Variants in KCNJ6 observed in about 807,000 individuals in gnomAD.
The protein encoded by KCNJ6 is G protein-activated inward rectifier potassium channel 2.
Under a neutral mutation model 34.2 loss-of-function variants are expected in KCNJ6, and 9 were observed. The ratio of observed to expected loss-of-function variants is 0.26; its 90% CI spans 0.16 to 0.46. KCNJ6 has a LOEUF of 0.46. Among genes scored for constraint, KCNJ6 ranks in the 20% least tolerant of loss-of-function variants. KCNJ6 has a pLI of 1.00. For missense variants in KCNJ6, 236 were observed against 531.3 expected, an observed-to-expected ratio of 0.44 and a Z score of 5.46; for synonymous variants, 196 against 207.1, an observed-to-expected ratio of 0.95 and a Z score of 0.46.
At chr21:37,847,491 A>C (rs2055515396) in intron 1 of KCNJ6, among the ~76,000 whole-genome samples, 1 of 152,232 alleles carries the variant, frequency 6.6e-6, no homozygotes, top group African/African-American at 2.4e-5. Flanking sequence ...AGCAGTGAGA[A>C]TCCAGGTCTA....
intron 2 of KCNJ6, among the ~76,000 whole-genome samples, chr21:37,787,061 C>G (rs1005794295): frequency 6.6e-6 from 1 of 152,150 alleles, no homozygotes; most frequent in Non-Finnish European, 1.5e-5. Flanking sequence ...CTCATTTTTA[C>G]TTTTGGTCTC....
At chr21:37,832,650 C>A (rs2055431926) in intron 2 of KCNJ6, among the ~76,000 whole-genome samples, 1 of 152,144 alleles carries the variant, frequency 6.6e-6, no homozygotes, top group South Asian at 2.1e-4. Context: ...CGTGCCCATC[C>A]TGGTCTGTCT....
intron 3 of KCNJ6, among the ~76,000 whole-genome samples, chr21:37,664,605 T>TA (rs1324877595): frequency 4.6e-5 from 7 of 152,136 alleles, no homozygotes; most frequent in Admixed American, 4.6e-4. Context: ...AAATATTACT[T>TA]ACAAAAACTG....
intron 3 of KCNJ6, among the ~76,000 whole-genome samples, chr21:37,631,823 C>T (rs138913607): frequency 6.6e-6 from 1 of 152,270 alleles, no homozygotes; most frequent in African/African-American, 2.4e-5. Context: ...TGAGGACTTC[C>T]CCACCAGCCC....
intron 2 of KCNJ6, among the ~76,000 whole-genome samples, chr21:37,759,880 T>C (rs2123493430): frequency 6.6e-6 from 1 of 152,348 alleles, no homozygotes; most frequent in East Asian, 1.9e-4. Context: ...TTAGGACTTC[T>C]GGGCTGGGTC....
intron 3 of KCNJ6, among the ~76,000 whole-genome samples, chr21:37,694,517 G>A (rs920353539): frequency 3.9e-5 from 6 of 152,182 alleles, no homozygotes; most frequent in African/African-American, 1.4e-4. Context: ...AGCTACATGT[G>A]TGGCCCTTAC....
At chr21:37,685,706 A>AAAAAAAAAAAAAACAAG (rs78443969) in intron 3 of KCNJ6, among the ~76,000 whole-genome samples, 1 of 51,010 alleles carries the variant, frequency 2.0e-5, no homozygotes, top group African/African-American at 5.5e-5. Context: ...AAAAAAAAAA[A>AAAAAAAAAAAAAACAAG]AATCTATCCT....
chr21:37,631,087 C>T lies in KCNJ6; in HGVS notation c.947-5603G>A, dbSNP rs1330553622. 2.6e-5 allele frequency among the ~76,000 whole-genome samples: 4 copies of T among 152,174 alleles called. No homozygotes were observed. The East Asian group carries it at 7.7e-4, about 29-fold the overall frequency. The stretch of plus-strand genomic sequence containing the variant: ...TACAGCAGTTATATGTGTCTGTTTT[C>T]CTTGCTGAATTGTGAATGCCCTGAG... On this transcript the variant is annotated intron_variant, in intron 3 of 3. Coordinates refer to ENST00000609713, the MANE Select transcript of KCNJ6 (RefSeq NM_002240.5).
chr21:37,893,233 A>T (rs540440303), intron 1 of KCNJ6, among the ~76,000 whole-genome samples: 15 of 150,724 alleles, frequency 1.0e-4, no homozygotes, highest in Admixed American at 9.9e-4. Flanking sequence ...TTGGAGATGG[A>T]GTCTCACGCC....
intron 3 of KCNJ6, among the ~76,000 whole-genome samples, chr21:37,686,484 TGGAG>T (rs2054616045): frequency 1.0e-5 from 1 of 96,246 alleles, no homozygotes; most frequent in East Asian, 3.7e-4. Context: ...TTTTTTTTTT[TGGAG>T]ATGGAGTCTT....
At chr21:37,837,336 C>G (rs1436045006) in intron 2 of KCNJ6, among the ~76,000 whole-genome samples, 2 of 152,026 alleles carry the variant, frequency 1.3e-5, no homozygotes, top group Admixed American at 1.3e-4. Flanking sequence ...TGGTTTTATT[C>G]AAACATTTAA....
chr21:37,738,329 G>A (rs568869930), intron 2 of KCNJ6, among the ~76,000 whole-genome samples: 1 of 25,186 alleles, frequency 4.0e-5, no homozygotes, highest in South Asian at 2.9e-3. Flanking sequence ...ATTTTCTCCT[G>A]CTTCCATGCT....
At chr21:37,847,989 G>A (rs755837084) in intron 1 of KCNJ6, among the ~76,000 whole-genome samples, 2 of 152,188 alleles carry the variant, frequency 1.3e-5, no homozygotes, top group Non-Finnish European at 2.9e-5. Flanking sequence ...AGCTTGGTGC[G>A]TGAGGAGCAG....
intron 2 of KCNJ6, among the ~76,000 whole-genome samples, chr21:37,778,299 T>C (rs2055152123): frequency 6.6e-6 from 1 of 152,136 alleles, no homozygotes; most frequent in Non-Finnish European, 1.5e-5. Context: ...AAAGTCAGTG[T>C]TTCCATAACC....
chr21:37,630,391 G>T (rs1188099624), intron 3 of KCNJ6, among the ~76,000 whole-genome samples: 1 of 152,138 alleles, frequency 6.6e-6, no homozygotes, highest in Non-Finnish European at 1.5e-5. Context: ...CTTAGCATTT[G>T]CACAGTGCTT....
chr21:37,831,841 G>A (rs2055427762), intron 2 of KCNJ6, among the ~76,000 whole-genome samples: 2 of 152,156 alleles, frequency 1.3e-5, no homozygotes, highest in Non-Finnish European at 1.5e-5. Context: ...AGACTGGGCA[G>A]CCTTAGTGAT....
intron 2 of KCNJ6, among the ~76,000 whole-genome samples, chr21:37,715,752 C>T (rs73907310): frequency 0.088 from 13,397 of 152,156 alleles, 1,168 homozygotes; most frequent in African/African-American, 0.22. Context: ...TGCACACAAA[C>T]AGAGGAAAAG....
intron 1 of KCNJ6, among the ~76,000 whole-genome samples, chr21:37,909,368 AC>A (rs1002756862): frequency 2.0e-5 from 3 of 150,720 alleles, no homozygotes; most frequent in Non-Finnish European, 4.4e-5. Context: ...TGCACAAAGA[AC>A]TTTTTTTTTT....
Position 37,622,359 on chromosome 21 carries a change from G to C in KCNJ6, c.*2800C>G, listed in dbSNP as rs2054292560. The stretch of plus-strand genomic sequence containing the variant: ...GAGTGGAAATTGTGGGGTCAATTTT[G>C]TTGAGCTGTCTTAATGGAAAACACC... On this transcript the variant is annotated 3_prime_UTR_variant, in exon 4 of 4. Coordinates refer to ENST00000609713, the MANE Select transcript of KCNJ6 (RefSeq NM_002240.5). The C allele has an allele frequency of 6.6e-6, 1 of 152,202 alleles. No individual in the cohort carries two copies. Among genetic ancestry groups the C allele is most frequent in the South Asian group, 2.1e-4 (1 of 4,828 alleles). The allele number at this position is 152,202 out of a possible 1,614,324, so 9.4% of individuals were successfully genotyped here. A position where few individuals can be genotyped will look rare whatever the true frequency, so the allele number is the denominator to read the frequency against.
Sources: allele counts gnomAD v4.1 joint callset (sites outside exome capture counted in the v4.1 genomes callset), GRCh38; gene constraint gnomAD v4.1.1; transcripts MANE v1.5; gene names NCBI Gene and HGNC (gene_info 2026-07-23, HGNC 2026-07-21).